Variants in BCL2L13 observed in about 807,000 individuals in gnomAD.
The protein encoded by BCL2L13 is BCL2 like 13, also known as bcl-2-like protein 13.
Under a neutral mutation model 25.8 loss-of-function variants are expected in BCL2L13, and 13 were observed. The ratio of observed to expected loss-of-function variants is 0.50; its 90% CI spans 0.33 to 0.80. The LOEUF is 0.80. BCL2L13 is among the 30% of genes least tolerant of loss of function. BCL2L13 has a pLI of 0.02. For synonymous variants in BCL2L13, 244 were observed against 230.3 expected (o/e 1.06, Z -0.54); for missense variants, 504 against 574.9 (o/e 0.88, Z 1.26).
chr22:17,730,131 G>A lies in BCL2L13; in HGVS notation c.*2597G>A, dbSNP rs897638054. 6.6e-6 allele frequency: 1 copy of A among 152,170 alleles called. No individual in the cohort carries two copies. Among genetic ancestry groups the A allele is most frequent in the African/African-American group, 2.4e-5 (1 of 41,434 alleles). The allele number at this position is 152,170 out of a possible 1,614,324, so 9.4% of individuals were successfully genotyped here. ...CCTTAGACCTCATCTCAACTGCTCT[G>A]TTGAAGGTAATGATTTATTGGGGGG... On this transcript the variant is annotated 3_prime_UTR_variant, in exon 7 of 7. Transcript: ENST00000317582.
intron 6 of BCL2L13, among the ~76,000 whole-genome samples, chr22:17,723,068 T>C (rs775423094): frequency 1.3e-5 from 2 of 152,178 alleles, no homozygotes; most frequent in African/African-American, 2.4e-5. Context: ...CCTTGCAAAA[T>C]GTGTAAGCTT....
At chr22:17,629,905 T>A (rs1440360917) in intron 1 of BCL2L13, among the ~76,000 whole-genome samples, 5 of 152,030 alleles carry the variant, frequency 3.3e-5, no homozygotes, top group Non-Finnish European at 7.4e-5. Context: ...AAATTTAGTT[T>A]ACTAGGCTGA....
intron 2 of BCL2L13, among the ~76,000 whole-genome samples, chr22:17,664,568 T>C (rs2059177142): frequency 6.6e-6 from 1 of 152,222 alleles, no homozygotes; most frequent in Non-Finnish European, 1.5e-5. Context: ...GTGGGGACTC[T>C]GTGTGTGGGT....
upstream of BCL2L13, among the ~76,000 whole-genome samples, chr22:17,635,580 G>C (rs2058090493): frequency 6.6e-6 from 1 of 152,100 alleles, no homozygotes; most frequent in African/African-American, 2.4e-5. Context: ...TGTATGTCTA[G>C]TCTCAAAATA....
At chr22:17,649,927 A>G (rs2058624756) in intron 1 of BCL2L13, among the ~76,000 whole-genome samples, 1 of 131,450 alleles carries the variant, frequency 7.6e-6, no homozygotes, top group Non-Finnish European at 1.6e-5. Context: ...GTTGGAGTGC[A>G]ATGCGTAATC....
intron 5 of BCL2L13, 145 bp downstream of exon 5, chr22:17,696,355 A>G: frequency 1.3e-6 from 1 of 741,052 alleles, no homozygotes; most frequent in South Asian, 1.7e-5. Flanking sequence ...TTTTTGGTTA[A>G]ACTGGTTTTT....
intron 6 of BCL2L13, among the ~76,000 whole-genome samples, chr22:17,710,643 G>A (rs903692827): frequency 6.6e-6 from 1 of 151,934 alleles, no homozygotes; most frequent in African/African-American, 2.4e-5. Flanking sequence ...TTGGGAGGCC[G>A]AGGTGGGCAG....
intron 2 of BCL2L13, among the ~76,000 whole-genome samples, chr22:17,674,227 G>A (rs1035677981): frequency 3.0e-4 from 46 of 152,202 alleles, no homozygotes; most frequent in African/African-American, 1.0e-3. Flanking sequence ...TTCAAGGATA[G>A]ACAGAATTTG....
intron 1 of BCL2L13, among the ~76,000 whole-genome samples, chr22:17,643,766 A>G (rs1601476565): frequency 6.6e-6 from 1 of 151,554 alleles, no homozygotes; most frequent in Non-Finnish European, 1.5e-5. Context: ...GGCACTCGCC[A>G]CCATGCCCGG....
At chr22:17,628,961 C>A in exon 1 of BCL2L13, 1 of 421,596 alleles carries the variant, frequency 2.4e-6, no homozygotes, top group Non-Finnish European at 4.4e-6. Context: ...ATAAGGAGTT[C>A]CTCTATCTGA....
chr22:17,669,030 CTTTT>C (rs537315017), intron 2 of BCL2L13, among the ~76,000 whole-genome samples: 6 of 111,828 alleles, frequency 5.4e-5, no homozygotes, highest in Admixed American at 1.1e-4. Context: ...CTGTTTCTTT[CTTTT>C]TTTTTTTTTT....
chr22:17,673,358 T>G (rs2059473959), intron 2 of BCL2L13, among the ~76,000 whole-genome samples: 1 of 116,018 alleles, frequency 8.6e-6, no homozygotes, highest in Non-Finnish European at 1.7e-5. Context: ...TTTTCTTTTC[T>G]TTCTTTTTTT....
intron 1 of BCL2L13, among the ~76,000 whole-genome samples, chr22:17,639,466 CTCCCAACAT>C (rs1395243264): frequency 6.6e-6 from 1 of 152,170 alleles, no homozygotes; most frequent in Non-Finnish European, 1.5e-5. Context: ...TTGATTTATC[CTCCCAACAT>C]TCTGTAAAGA....
At chr22:17,725,469 C>T (rs5992806) in intron 6 of BCL2L13, among the ~76,000 whole-genome samples, 14 of 152,308 alleles carry the variant, frequency 9.2e-5, no homozygotes, top group South Asian at 2.1e-4. Context: ...CTAGTCCCTC[C>T]GTGAGGCTTT....
At chr22:17,684,950 T>C (rs1332125267) in intron 3 of BCL2L13, among the ~76,000 whole-genome samples, 4 of 152,140 alleles carry the variant, frequency 2.6e-5, no homozygotes, top group Non-Finnish European at 5.9e-5. Context: ...GCCAGGATGG[T>C]CTCGTTGATC....
intron 1 of BCL2L13, among the ~76,000 whole-genome samples, chr22:17,649,286 G>A (rs896863489): frequency 4.0e-5 from 6 of 151,842 alleles, no homozygotes; most frequent in Admixed American, 1.3e-4. Flanking sequence ...TAGTAGGGAC[G>A]GGGTTTCACC....
At chr22:17,685,760 C>CCTTTTTT (rs2059911317) in intron 3 of BCL2L13, among the ~76,000 whole-genome samples, 1 of 60,520 alleles carries the variant, frequency 1.7e-5, no homozygotes, top group Non-Finnish European at 3.0e-5. Context: ...TTTTCTTTTT[C>CCTTTTTT]TTTTTTTTTT....
chr22:17,655,988 AT>A (rs1192234534), intron 2 of BCL2L13, among the ~76,000 whole-genome samples, 156 bp downstream of exon 2: 1 of 152,216 alleles, frequency 6.6e-6, no homozygotes, highest in East Asian at 1.9e-4. Flanking sequence ...CACACCTGTT[AT>A]GCCAGCACTT....
intron 6 of BCL2L13, among the ~76,000 whole-genome samples, chr22:17,713,799 C>A (rs1203298178): frequency 1.3e-5 from 2 of 151,338 alleles, no homozygotes; most frequent in Non-Finnish European, 2.9e-5. Flanking sequence ...ATGGTAAAGT[C>A]AAAATATTAT....
Sources: gnomAD v4.1 joint callset for allele counts (sites outside exome capture counted in the v4.1 genomes callset) on GRCh38, gnomAD v4.1.1 for gene constraint, MANE v1.5 for transcripts, NCBI Gene and HGNC (gene_info 2026-07-23, HGNC 2026-07-21) for gene names.